EPB41L3: variants seen among roughly 807,000 people sequenced by gnomAD.
The protein encoded by EPB41L3 is erythrocyte membrane protein band 4.1 like 3.
A neutral mutation model predicts 127.1 loss-of-function variants in EPB41L3; 57 were observed. The ratio of observed to expected loss-of-function variants is 0.45; its 90% CI spans 0.36 to 0.56. EPB41L3 has a LOEUF of 0.56. EPB41L3 is among the 20% of genes least tolerant of loss of function. The pLI, the probability that EPB41L3 is intolerant of heterozygous loss-of-function variation, is 0.00. For synonymous variants in EPB41L3, 572 were observed against 549.5 expected (o/e 1.04, Z -0.57); for missense variants, 1,273 against 1,372.2 (o/e 0.93, Z 1.14).
intron 3 of EPB41L3, among the ~76,000 whole-genome samples, chr18:5,470,270 T>G (rs1048194914): frequency 3.3e-5 from 5 of 152,222 alleles, no homozygotes; most frequent in African/African-American, 1.2e-4. Context: ...TTTGACTTTA[T>G]GGTGAAGACA....
At chr18:5,484,551 T>A (rs561889572) in intron 2 of EPB41L3, among the ~76,000 whole-genome samples, 63 of 150,204 alleles carry the variant, frequency 4.2e-4, no homozygotes, top group Non-Finnish European at 8.6e-4. Context: ...AACAAAACAA[T>A]GAGTTGGTTT....
chr18:5,567,767 A>T (rs1179516811), intron 3 of EPB41L3, among the ~76,000 whole-genome samples: 2 of 152,146 alleles, frequency 1.3e-5, no homozygotes, highest in Non-Finnish European at 2.9e-5. Context: ...TTACTAAGAG[A>T]TTATTTTCCA....
rs375828740 is a variant in EPB41L3 at position 5,617,835 on chromosome 18, T to C, written c.-467-3412A>G. ...AAAGCCTAACTATGAGCAAAACAGT[T>C]TGACTTAGGATAGTATGTCCAAAGA... is the stretch of plus-strand genomic sequence containing the variant. On this transcript the variant is annotated intron_variant, in intron 1 of 21. Coordinates refer to the EPB41L3 transcript ENST00000545076. Among the ~76,000 whole-genome samples, 5 of 152,298 alleles carry C rather than the reference T, an allele frequency of 3.3e-5. No homozygotes were observed. In the East Asian group the frequency reaches 5.8e-4, roughly 18 times the overall value.
chr18:5,571,132 T>A (rs902518273), intron 3 of EPB41L3, among the ~76,000 whole-genome samples: 2 of 152,222 alleles, frequency 1.3e-5, no homozygotes. Context: ...TGAAGCCATG[T>A]ACTATGCCAA....
chr18:5,578,104 G>C (rs1599079752), intron 3 of EPB41L3, among the ~76,000 whole-genome samples: 1 of 151,060 alleles, frequency 6.6e-6, no homozygotes, highest in African/African-American at 2.5e-5. Context: ...CTCCAGGGTT[G>C]GGGGGGTGGC....
intron 1 of EPB41L3, among the ~76,000 whole-genome samples, chr18:5,532,805 A>G (rs1383989297): frequency 6.6e-6 from 1 of 152,150 alleles, no homozygotes; most frequent in Non-Finnish European, 1.5e-5. Context: ...CCTTGATCTG[A>G]GCAGCACGAA....
chr18:5,589,898 G>A (rs773915294), intron 3 of EPB41L3, among the ~76,000 whole-genome samples: 18 of 152,152 alleles, frequency 1.2e-4, no homozygotes, highest in Non-Finnish European at 2.2e-4. Context: ...ACTTCTTCTT[G>A]CTAGAACTTT....
At chr18:5,399,106 C>T in intron 16 of EPB41L3, 1 of 399,068 alleles carries the variant, frequency 2.5e-6, no homozygotes, top group African/African-American at 2.1e-5. Context: ...ACTTTCTCAC[C>T]CTCTTTAGCT....
At chr18:5,522,251 C>A (rs1344011912) in intron 1 of EPB41L3, among the ~76,000 whole-genome samples, 1 of 151,852 alleles carries the variant, frequency 6.6e-6, no homozygotes, top group Non-Finnish European at 1.5e-5. Context: ...TTACAGGCAC[C>A]CGCCACCATG....
intron 16 of EPB41L3, among the ~76,000 whole-genome samples, chr18:5,402,953 C>T (rs1301270987): frequency 6.6e-6 from 1 of 152,174 alleles, no homozygotes; most frequent in Admixed American, 6.5e-5. Context: ...CAAGGAATTA[C>T]TGTACAGTGA....
At chr18:5,468,053 T>TG (rs2085336123) in intron 3 of EPB41L3, among the ~76,000 whole-genome samples, 1 of 152,170 alleles carries the variant, frequency 6.6e-6, no homozygotes, top group African/African-American at 2.4e-5. Context: ...AGCAAAGTTG[T>TG]GGCTGAGCCT....
chr18:5,585,051 C>T (rs1439874866), intron 3 of EPB41L3, among the ~76,000 whole-genome samples: 1 of 152,090 alleles, frequency 6.6e-6, no homozygotes, highest in Admixed American at 6.5e-5. Flanking sequence ...TTGTCTGATA[C>T]TTTTCAAGAA....
At chr18:5,600,362 A>C (rs1415555712) in intron 3 of EPB41L3, among the ~76,000 whole-genome samples, 7 of 152,198 alleles carry the variant, frequency 4.6e-5, no homozygotes, top group African/African-American at 1.7e-4. Context: ...CCTTTTTAAA[A>C]AGTAGATAAA....
intron 2 of EPB41L3, among the ~76,000 whole-genome samples, chr18:5,612,992 A>G (rs1305646539): frequency 2.0e-5 from 3 of 152,198 alleles, no homozygotes; most frequent in African/African-American, 7.2e-5. Flanking sequence ...TATCCGCCTC[A>G]GCCTCCCAAA....
At chr18:5,502,169 A>G (rs896187160) in intron 1 of EPB41L3, among the ~76,000 whole-genome samples, 6 of 152,214 alleles carry the variant, frequency 3.9e-5, no homozygotes, top group Non-Finnish European at 8.8e-5. Context: ...GACAAAAGTG[A>G]CAGAACAGCT....
intron 3 of EPB41L3, among the ~76,000 whole-genome samples, chr18:5,588,749 G>GT (rs2094461083): frequency 6.6e-6 from 1 of 151,904 alleles, no homozygotes; most frequent in Admixed American, 6.6e-5. Flanking sequence ...AGAACTAAAG[G>GT]TTATCTCTCC....
chr18:5,617,605 A>G (rs930854029), intron 1 of EPB41L3, among the ~76,000 whole-genome samples: 2 of 152,226 alleles, frequency 1.3e-5, no homozygotes, highest in African/African-American at 4.8e-5. Context: ...GGCGTGAGCC[A>G]CCGCGCCCGG....
At chr18:5,502,350 A>T (rs1025031191) in intron 1 of EPB41L3, among the ~76,000 whole-genome samples, 8 of 152,198 alleles carry the variant, frequency 5.3e-5, no homozygotes, top group African/African-American at 1.4e-4. Context: ...ATCTTTTAAA[A>T]TTTTTTATAG....
At chr18:5,493,166 T>G (rs2090796264) in intron 1 of EPB41L3, among the ~76,000 whole-genome samples, 1 of 152,236 alleles carries the variant, frequency 6.6e-6, no homozygotes, top group Non-Finnish European at 1.5e-5. Context: ...AATTAGTTTC[T>G]GTATTCAAAT....
Sources: gnomAD v4.1 joint callset for allele counts (sites outside exome capture counted in the v4.1 genomes callset) on GRCh38, gnomAD v4.1.1 for gene constraint, MANE v1.5 for transcripts, NCBI Gene and HGNC (gene_info 2026-07-23, HGNC 2026-07-21) for gene names.